Variants in ADAMTSL3 observed in about 807,000 individuals in gnomAD.
ADAMTSL3 encodes the protein ADAMTS like 3.
A neutral mutation model predicts 201.7 loss-of-function variants in ADAMTSL3; 128 were observed. That is an observed-to-expected ratio of 0.63 (90% CI 0.55 to 0.73). The LOEUF (loss-of-function observed/expected upper bound fraction) is 0.73. ADAMTSL3 is among the 30% of genes least tolerant of loss of function. The pLI, the probability that ADAMTSL3 is intolerant of heterozygous loss-of-function variation, is 0.00. For synonymous variants in ADAMTSL3, 738 were observed against 748.4 expected, an observed-to-expected ratio of 0.99 and a Z score of 0.23; for missense variants, 1,990 against 2,119.6, an observed-to-expected ratio of 0.94 and a Z score of 1.20.
chr15:83,920,676 T>C (rs1434394887), intron 16 of ADAMTSL3, among the ~76,000 whole-genome samples: 1 of 152,316 alleles, frequency 6.6e-6, no homozygotes, highest in South Asian at 2.1e-4. Context: ...ATATATAATA[T>C]AGCATTATAC....
intron 6 of ADAMTSL3, among the ~76,000 whole-genome samples, chr15:83,837,691 A>AAGTGAAC (rs2064301602): frequency 6.6e-6 from 1 of 151,526 alleles, no homozygotes; most frequent in Non-Finnish European, 1.5e-5. Flanking sequence ...GATCCCAGCT[A>AAGTGAAC]CTTGGGAGGC....
At chr15:83,910,391 A>G (rs2065909343) in intron 15 of ADAMTSL3, among the ~76,000 whole-genome samples, 1 of 150,742 alleles carries the variant, frequency 6.6e-6, no homozygotes, top group African/African-American at 2.4e-5. Context: ...AATATCTTTA[A>G]TTTAAATAAA....
chr15:83,675,903 T>C (rs2061398333), intron 2 of ADAMTSL3, among the ~76,000 whole-genome samples: 1 of 152,172 alleles, frequency 6.6e-6, no homozygotes, highest in Non-Finnish European at 1.5e-5. Flanking sequence ...ATTTCCTTGT[T>C]ATCCTTTTAA....
chr15:84,023,474 C>T (rs753537959), intron 26 of ADAMTSL3, among the ~76,000 whole-genome samples: 6 of 152,046 alleles, frequency 3.9e-5, no homozygotes, highest in Non-Finnish European at 5.9e-5. Flanking sequence ...AGGACATGTT[C>T]TTAGGAGGGT....
chr15:83,822,740 G>A (rs377632852), intron 6 of ADAMTSL3, among the ~76,000 whole-genome samples: 53 of 136,146 alleles, frequency 3.9e-4, no homozygotes, highest in African/African-American at 5.7e-4. Flanking sequence ...GGCTCCTCAC[G>A]TCCCAGACGA....
chr15:83,864,876 GC>G (rs2064941634), intron 8 of ADAMTSL3, among the ~76,000 whole-genome samples: 1 of 152,172 alleles, frequency 6.6e-6, no homozygotes, highest in South Asian at 2.1e-4. Flanking sequence ...CATCGTCTCA[GC>G]CCAAAATCTC....
At chr15:83,808,079 G>C (rs1447531395) in intron 5 of ADAMTSL3, among the ~76,000 whole-genome samples, 1 of 152,056 alleles carries the variant, frequency 6.6e-6, no homozygotes, top group Non-Finnish European at 1.5e-5. Flanking sequence ...GACTGGGTAA[G>C]GATTTTTAAA....
At chr15:83,670,065 C>G (rs2061309203) in intron 2 of ADAMTSL3, among the ~76,000 whole-genome samples, 1 of 151,772 alleles carries the variant, frequency 6.6e-6, no homozygotes, top group Admixed American at 6.5e-5. Flanking sequence ...CGAGACCAGC[C>G]TGGCCAACAT....
At chr15:83,940,866 A>G (rs557053639) in intron 17 of ADAMTSL3, among the ~76,000 whole-genome samples, 1 of 152,192 alleles carries the variant, frequency 6.6e-6, no homozygotes, top group South Asian at 2.1e-4. Context: ...TAATATGGGA[A>G]TTCACCTGTT....
In ADAMTSL3 at chr15:83,913,299, C is replaced by T. The variant is rs1225630343; in HGVS notation, c.1908C>T (p.Ile636=). 1 of 1,613,994 alleles carries T rather than the reference C, an allele frequency of 6.2e-7. No homozygotes were observed. Among genetic ancestry groups the T allele is most frequent in the Non-Finnish European group, 8.5e-7 (1 of 1,180,026 alleles). The change falls in exon 16 of 30, where the codon ATC becomes ATT. Residue 636 remains isoleucine (I), a synonymous_variant. Coordinates refer to ENST00000286744, the MANE Select transcript of ADAMTSL3 (RefSeq NM_207517.3). ...GCCCGGCCTCCCGAGAGCTAGACATCCCTCTCCCTGAGGACAGTGAGACGA... is the reference window on the plus strand; with the variant it reads ...GCCCGGCCTCCCGAGAGCTAGACATTCCTCTCCCTGAGGACAGTGAGACGA... ...DESPASRELD[I]PLPEDSETTY... is the part of the protein sequence containing the mutation.
At chr15:83,697,979 G>C (rs1002493135) in intron 2 of ADAMTSL3, among the ~76,000 whole-genome samples, 2 of 151,904 alleles carry the variant, frequency 1.3e-5, no homozygotes, top group Admixed American at 6.6e-5. Flanking sequence ...TAGCACCCAG[G>C]AAATTCCAAG....
chr15:83,934,977 C>T (rs1375978753), intron 17 of ADAMTSL3, among the ~76,000 whole-genome samples: 14 of 152,122 alleles, frequency 9.2e-5, no homozygotes, highest in Admixed American at 9.2e-4. Flanking sequence ...TTCTCACTTA[C>T]AGGTGGGAGC....
At chr15:83,942,829 A>G in intron 18 of ADAMTSL3, 41 bp downstream of exon 18, 1 of 1,607,576 alleles carries the variant, frequency 6.2e-7, no homozygotes, top group Non-Finnish European at 8.5e-7. Context: ...TGTGATTATG[A>G]CTGTGAGAGG....
chr15:83,758,235 A>G lies in ADAMTSL3; in HGVS notation c.190-15288A>G, dbSNP rs116696387. On this transcript the variant is annotated intron_variant, in intron 3 of 29. Coordinates refer to ENST00000286744, the MANE Select transcript of ADAMTSL3 (RefSeq NM_207517.3). The stretch of plus-strand genomic sequence containing the variant: ...GGTAATTTATAAGTAAAAAAGGTTT[A>G]ATTGACTCACAGTTCTACATGGCTG... 3.0e-3 allele frequency among the ~76,000 whole-genome samples: 460 copies of G among 152,336 alleles called. 4 individuals carry two copies. Among genetic ancestry groups the G allele is most frequent in the African/African-American group, 0.011 (439 of 41,576 alleles).
intron 19 of ADAMTSL3, among the ~76,000 whole-genome samples, 180 bp from the exon 20 acceptor site, chr15:83,970,304 G>T (rs182246952): frequency 6.6e-6 from 1 of 151,942 alleles, no homozygotes; most frequent in African/African-American, 2.4e-5. Context: ...GAGGGAAGGG[G>T]AGGAGAGGAG....
At chr15:83,843,761 G>T (rs957982389) in intron 7 of ADAMTSL3, among the ~76,000 whole-genome samples, 1 of 152,128 alleles carries the variant, frequency 6.6e-6, no homozygotes, top group African/African-American at 2.4e-5. Context: ...TGTGCACAAG[G>T]CTGCACACAG....
intron 9 of ADAMTSL3, among the ~76,000 whole-genome samples, chr15:83,871,917 C>T (rs889039102): frequency 1.3e-5 from 2 of 152,142 alleles, no homozygotes; most frequent in African/African-American, 4.8e-5. Flanking sequence ...AACCCTTTAG[C>T]TTTAAAAAGC....
chr15:83,745,215 C>T (rs2141652818), intron 3 of ADAMTSL3, among the ~76,000 whole-genome samples: 1 of 152,316 alleles, frequency 6.6e-6, no homozygotes, highest in Admixed American at 6.5e-5. Context: ...CCCTTTCCAG[C>T]TCCCTTTCCT....
chr15:83,913,787 C>T (rs897753559), intron 16 of ADAMTSL3, among the ~76,000 whole-genome samples: 2 of 152,146 alleles, frequency 1.3e-5, no homozygotes, highest in Admixed American at 6.5e-5. Flanking sequence ...GGTTCATATC[C>T]GCACATTGGG....
Sources: gnomAD v4.1 joint callset for allele counts (sites outside exome capture counted in the v4.1 genomes callset) on GRCh38, gnomAD v4.1.1 for gene constraint, MANE v1.5 for transcripts, NCBI Gene and HGNC (gene_info 2026-07-23, HGNC 2026-07-21) for gene names.